The following SLC37A3 variants were observed in gnomAD, a reference collection of about 807,000 sequenced individuals.
The protein encoded by SLC37A3 is sugar phosphate exchanger 3.
A neutral mutation model predicts 67.1 loss-of-function variants in SLC37A3; 51 were observed. The observed-to-expected ratio is 0.76, with a 90% CI of 0.61 to 0.96. The LOEUF (loss-of-function observed/expected upper bound fraction) is 0.96, where lower values mean the gene tolerates loss of function less well. SLC37A3 is among the 40% of genes least tolerant of loss of function. The pLI is 0.00. For missense variants in SLC37A3, 508 were observed against 603.0 expected (o/e 0.84, Z 1.65); for synonymous variants, 214 against 231.4 (o/e 0.92, Z 0.68).
chr7:140,392,820 A>G (rs1040378891), intron 1 of SLC37A3, among the ~76,000 whole-genome samples: 14 of 152,148 alleles, frequency 9.2e-5, no homozygotes, highest in Non-Finnish European at 1.9e-4. Flanking sequence ...GGCTGGGTGC[A>G]GTGGCTCACA....
chr7:140,341,719 G>C (rs1203043331), intron 13 of SLC37A3, among the ~76,000 whole-genome samples: 5 of 152,184 alleles, frequency 3.3e-5, no homozygotes, highest in Non-Finnish European at 5.9e-5. Flanking sequence ...CTGGATACTG[G>C]CAGGTGAGGC....
At chr7:140,338,133 G>T (rs149574629) in intron 13 of SLC37A3, among the ~76,000 whole-genome samples, 1 of 151,960 alleles carries the variant, frequency 6.6e-6, no homozygotes, top group African/African-American at 2.4e-5. Flanking sequence ...CTTGTGATCC[G>T]TCCACCTCGG....
Position 140,345,939 on chromosome 7 carries a change from T to G in SLC37A3, c.1056A>C (p.Val352=). ...GGTLQGFISD[V]LQKRAPVLAL... is the part of the protein sequence containing the mutation. ...CAAGAACCGGCGCTCTCTTCTGTAG[T>G]ACATCAGAGATGAAGCCTTGCAAAG... The change falls in exon 11 of 15, where the codon GTA becomes GTC. Residue 352 remains valine, a synonymous_variant. Coordinates refer to ENST00000326232, the MANE Select transcript of SLC37A3 (RefSeq NM_207113.3). 6.2e-7 allele frequency: 1 copy of G among 1,613,942 alleles called. No individual in the cohort carries two copies. Among genetic ancestry groups the G allele is most frequent in the African/African-American group, 1.3e-5 (1 of 75,040 alleles).
At chr7:140,340,687 G>T (rs910527587) in intron 13 of SLC37A3, among the ~76,000 whole-genome samples, 1 of 151,240 alleles carries the variant, frequency 6.6e-6, no homozygotes, top group Non-Finnish European at 1.5e-5. Context: ...CTAGCACTTT[G>T]GGAGGCTGAG....
chr7:140,384,829 A>T (rs949732868), intron 1 of SLC37A3, among the ~76,000 whole-genome samples: 2 of 152,198 alleles, frequency 1.3e-5, no homozygotes, highest in African/African-American at 4.8e-5. Context: ...TAGGGAACAC[A>T]TTCAAGAGCT....
At chr7:140,353,971 A>C (rs1261573186) in intron 7 of SLC37A3, among the ~76,000 whole-genome samples, 2 of 152,122 alleles carry the variant, frequency 1.3e-5, no homozygotes, top group Non-Finnish European at 2.9e-5. Context: ...CAGCCTCCCA[A>C]AGTGCTGGGA....
intron 4 of SLC37A3, among the ~76,000 whole-genome samples, chr7:140,366,725 T>C (rs1021044473): frequency 6.6e-6 from 1 of 152,186 alleles, no homozygotes; most frequent in Non-Finnish European, 1.5e-5. Flanking sequence ...CCCGTGCCTC[T>C]ACATGGGGAT....
intron 2 of SLC37A3, among the ~76,000 whole-genome samples, chr7:140,381,178 A>G (rs62490398): frequency 0.55 from 79,007 of 144,386 alleles, 21,740 homozygotes; most frequent in South Asian, 0.65. Flanking sequence ...GATTACAGGC[A>G]TGAGCCACCG....
rs1167607045 is a variant in SLC37A3 at position 140,374,876 on chromosome 7, G to A, written c.199-5194C>T. On this transcript the variant is annotated intron_variant, in intron 3 of 14. Coordinates refer to ENST00000326232, the MANE Select transcript of SLC37A3 (RefSeq NM_207113.3). ...CTGTCTTAAAAAACAAGGCCAGCGC[G>A]GTGGCTCACACCTGTAATCCCAACA... Among the ~76,000 whole-genome samples, 4 of 151,958 alleles carry A rather than the reference G, an allele frequency of 2.6e-5. No individual in the cohort carries two copies. The East Asian group carries it at 5.8e-4, about 22-fold the overall frequency.
chr7:140,382,013 C>CAA (rs35848661), intron 2 of SLC37A3, among the ~76,000 whole-genome samples: 6 of 90,730 alleles, frequency 6.6e-5, no homozygotes, highest in South Asian at 3.5e-4. Context: ...TACTCCGTCT[C>CAA]AAAAAAAAAA....
At chr7:140,349,186 G>T (rs1796696010) in intron 9 of SLC37A3, among the ~76,000 whole-genome samples, 1 of 152,138 alleles carries the variant, frequency 6.6e-6, no homozygotes, top group Non-Finnish European at 1.5e-5. Flanking sequence ...GAAGCATCAC[G>T]GCCTTTACTG....
intron 1 of SLC37A3, among the ~76,000 whole-genome samples, chr7:140,391,904 C>T (rs1272007262): frequency 1.3e-5 from 2 of 152,210 alleles, no homozygotes; most frequent in Non-Finnish European, 2.9e-5. Context: ...TATCTCCTTG[C>T]AGTCAGCTCC....
chr7:140,367,122 A>G (rs1052028270), intron 4 of SLC37A3, among the ~76,000 whole-genome samples: 3 of 151,434 alleles, frequency 2.0e-5, no homozygotes, highest in African/African-American at 7.3e-5. Context: ...TGGGCAACAC[A>G]GCAAGACTCC....
intron 1 of SLC37A3, among the ~76,000 whole-genome samples, chr7:140,384,674 G>A (rs1563050645): frequency 2.6e-5 from 4 of 152,072 alleles, no homozygotes; most frequent in African/African-American, 7.3e-5. Flanking sequence ...AGCTATGATC[G>A]CACCATTGCA....
chr7:140,393,976 G>C (rs1250747537), intron 1 of SLC37A3, among the ~76,000 whole-genome samples: 1 of 151,862 alleles, frequency 6.6e-6, no homozygotes, highest in African/African-American at 2.4e-5. Flanking sequence ...TTCGGGACCA[G>C]CCTGAGCAAT....
chr7:140,340,802 G>A (rs1796331519), intron 13 of SLC37A3, among the ~76,000 whole-genome samples: 1 of 152,048 alleles, frequency 6.6e-6, no homozygotes, highest in South Asian at 2.1e-4. Flanking sequence ...ATGGTGGTGG[G>A]TACCTGCAGT....
chr7:140,353,715 G>T (rs1367340757), intron 7 of SLC37A3, among the ~76,000 whole-genome samples: 20 of 150,952 alleles, frequency 1.3e-4, no homozygotes, highest in African/African-American at 4.4e-4. Context: ...ACACTGTTTT[G>T]TTTTGTTTTT....
intron 1 of SLC37A3, among the ~76,000 whole-genome samples, chr7:140,388,014 C>G (rs1798574787): frequency 7.0e-6 from 1 of 143,638 alleles, no homozygotes; most frequent in South Asian, 2.1e-4. Context: ...AACCTATAGT[C>G]ACCATATTGT....
chr7:140,390,386 G>C (rs773600827), intron 1 of SLC37A3, among the ~76,000 whole-genome samples: 3 of 151,970 alleles, frequency 2.0e-5, no homozygotes, highest in Non-Finnish European at 2.9e-5. Flanking sequence ...CAAGACTCCG[G>C]GTGCTCCCTA....
Sources: allele counts gnomAD v4.1 joint callset (sites outside exome capture counted in the v4.1 genomes callset), GRCh38; gene constraint gnomAD v4.1.1; transcripts MANE v1.5; gene names NCBI Gene and HGNC (gene_info 2026-07-23, HGNC 2026-07-21).